RGS21: variants seen among roughly 807,000 people sequenced by gnomAD.
The protein encoded by RGS21 is regulator of G-protein signalling 21.
A neutral mutation model predicts 18.7 loss-of-function variants in RGS21; 19 were observed. The ratio of observed to expected loss-of-function variants is 1.01; its 90% CI spans 0.71 to 1.49. The LOEUF (loss-of-function observed/expected upper bound fraction) is 1.49. Ranked by LOEUF, RGS21 falls within the 40% of genes most tolerant of loss-of-function variation. RGS21 has a pLI of 0.00. For missense variants in RGS21, 194 were observed against 176.8 expected (o/e 1.10, Z -0.55); for synonymous variants, 56 against 57.8 (o/e 0.97, Z 0.14).
At chr1:192,324,660 A>T (rs1023047319) in intron 1 of RGS21, among the ~76,000 whole-genome samples, 8 of 151,926 alleles carry the variant, frequency 5.3e-5, no homozygotes, top group African/African-American at 1.9e-4. Flanking sequence ...ACACACACAC[A>T]TAATTATAAA....
rs539601367 is a variant in RGS21, at chr1:192,365,996, G to A, written c.331G>A (p.Ala111Thr). The A allele has an allele frequency of 3.1e-6, 5 of 1,609,860 alleles. No individual in the cohort carries two copies. The East Asian group carries it at 8.9e-5, about 29-fold the overall frequency. ...ACCAACACTCAAATGCTTTGATGAG[G>A]CTCAGAAATTAATCTATTGTCTCAT... is the stretch of plus-strand genomic sequence containing the variant. ...AEPTLKCFDEAQKLIYCLMAK... is the reference protein window; with the variant it reads ...AEPTLKCFDETQKLIYCLMAK... The change falls in exon 5 of 5, where the codon GCT becomes ACT. Residue 111 changes from alanine to threonine, a missense_variant. Physicochemically the swap from Ala to Thr is moderately conservative, Grantham distance 58. Coordinates refer to ENST00000417209, the MANE Select transcript of RGS21 (RefSeq NM_001039152.3).
chr1:192,353,848 A>T (rs908266780), intron 4 of RGS21, among the ~76,000 whole-genome samples: 2 of 151,730 alleles, frequency 1.3e-5, no homozygotes, highest in Non-Finnish European at 3.0e-5. Flanking sequence ...AATATAATTA[A>T]ATTGATGGCT....
At chr1:192,355,147 T>C (rs572969331) in intron 4 of RGS21, among the ~76,000 whole-genome samples, 5 of 151,664 alleles carry the variant, frequency 3.3e-5, no homozygotes, top group Non-Finnish European at 7.4e-5. Flanking sequence ...CAAATCCTGA[T>C]CCCTCACTTG....
At chr1:192,363,419 A>T (rs141647844) in intron 4 of RGS21, among the ~76,000 whole-genome samples, 3 of 152,292 alleles carry the variant, frequency 2.0e-5, no homozygotes, top group Non-Finnish European at 4.4e-5. Flanking sequence ...ATCACAGATG[A>T]TGCTGTTAAA....
At chr1:192,350,615 T>A (rs1659027770) in intron 3 of RGS21, among the ~76,000 whole-genome samples, 1 of 152,154 alleles carries the variant, frequency 6.6e-6, no homozygotes, top group African/African-American at 2.4e-5. Flanking sequence ...CAAATTTCTC[T>A]GAGTGGAAAA....
chr1:192,365,335 G>T (rs1472059520), intron 4 of RGS21, among the ~76,000 whole-genome samples: 1 of 152,030 alleles, frequency 6.6e-6, no homozygotes, highest in Non-Finnish European at 1.5e-5. Context: ...ATTAGAACTC[G>T]CTGGAAATGC....
rs1158405637 is a variant in RGS21, at chr1:192,367,047, T to A, written c.*923T>A. Reference sequence around the variant, plus strand: ...CTATATGTAAATATCCTGTGATAAATACGAATAATTTCATTTCAATATGAG... The same window carrying A: ...CTATATGTAAATATCCTGTGATAAAAACGAATAATTTCATTTCAATATGAG... On this transcript the variant is annotated 3_prime_UTR_variant, in exon 5 of 5. Transcript: ENST00000417209. 2 of 152,056 alleles carry A rather than the reference T, an allele frequency of 1.3e-5. No individual in the cohort carries two copies. Among genetic ancestry groups the A allele is most frequent in the African/African-American group, 4.8e-5 (2 of 41,448 alleles). The allele number at this position is 152,056 out of a possible 1,614,324, so 9.4% of individuals were successfully genotyped here.
chr1:192,324,181 A>C (rs1045573457), intron 1 of RGS21, among the ~76,000 whole-genome samples: 3 of 152,074 alleles, frequency 2.0e-5, no homozygotes, highest in African/African-American at 7.2e-5. Flanking sequence ...TTTAAATATT[A>C]AAGGATCAAT....
intron 4 of RGS21, among the ~76,000 whole-genome samples, chr1:192,362,173 T>G (rs2102238896): frequency 1.3e-5 from 2 of 152,276 alleles, no homozygotes; most frequent in Middle Eastern, 6.8e-3. Flanking sequence ...CACACTGAGA[T>G]GTTTAACTTT....
At chr1:192,339,910 AAATT>A (rs1658831815) in intron 1 of RGS21, among the ~76,000 whole-genome samples, 1 of 87,858 alleles carries the variant, frequency 1.1e-5, no homozygotes, top group East Asian at 2.4e-4. Context: ...TTTACTTTTT[AAATT>A]AATTAATTTT....
At chr1:192,326,456 T>C (rs1287589948) in intron 1 of RGS21, among the ~76,000 whole-genome samples, 2 of 152,124 alleles carry the variant, frequency 1.3e-5, no homozygotes, top group African/African-American at 4.8e-5. Context: ...TACCTCAAAA[T>C]TATTTTTAAC....
chr1:192,318,724 A>G (rs912322413), intron 1 of RGS21, among the ~76,000 whole-genome samples: 32 of 152,104 alleles, frequency 2.1e-4, no homozygotes, highest in African/African-American at 7.7e-4. Flanking sequence ...GGAGGAAAAA[A>G]AGTTTATTGA....
intron 1 of RGS21, among the ~76,000 whole-genome samples, chr1:192,318,718 GA>G (rs1207404025): frequency 6.6e-5 from 10 of 151,752 alleles, no homozygotes; most frequent in South Asian, 4.2e-4. Flanking sequence ...AAGCTTGGAG[GA>G]AAAAAAGTTT....
chr1:192,353,826 T>G (rs1218084270), intron 4 of RGS21, among the ~76,000 whole-genome samples: 2 of 151,674 alleles, frequency 1.3e-5, no homozygotes, highest in Admixed American at 1.3e-4. Context: ...CTAATTAATT[T>G]TGATAAAACA....
chr1:192,357,790 C>T (rs191168738), intron 4 of RGS21, among the ~76,000 whole-genome samples: 1,749 of 152,116 alleles, frequency 0.011, 20 homozygotes, highest in Middle Eastern at 0.061. Flanking sequence ...TTTTATTTCT[C>T]TTCTCATATT....
intron 1 of RGS21, among the ~76,000 whole-genome samples, chr1:192,321,867 AC>A (rs1658502725): frequency 6.6e-6 from 1 of 151,966 alleles, no homozygotes; most frequent in African/African-American, 2.4e-5. Context: ...AGAATTGAAA[AC>A]TTTGACTAAA....
intron 4 of RGS21, among the ~76,000 whole-genome samples, chr1:192,365,266 G>A (rs893077779): frequency 6.6e-6 from 1 of 152,030 alleles, no homozygotes. Flanking sequence ...TCCACAAGAA[G>A]GTTTGGAGCA....
chr1:192,349,737 C>A (rs1219313823), intron 3 of RGS21, among the ~76,000 whole-genome samples: 1 of 152,032 alleles, frequency 6.6e-6, no homozygotes, highest in Non-Finnish European at 1.5e-5. Flanking sequence ...CTAAACCAAC[C>A]TACAGGAGGA....
At chr1:192,335,051 G>A (rs1658744916) in intron 1 of RGS21, among the ~76,000 whole-genome samples, 1 of 152,012 alleles carries the variant, frequency 6.6e-6, no homozygotes, top group African/African-American at 2.4e-5. Flanking sequence ...GAATAAACCT[G>A]TTCATTGTAT....
Sources: allele counts gnomAD v4.1 joint callset (sites outside exome capture counted in the v4.1 genomes callset), GRCh38; gene constraint gnomAD v4.1.1; transcripts MANE v1.5; gene names NCBI Gene and HGNC (gene_info 2026-07-23, HGNC 2026-07-21).